Variants in CAST observed in about 807,000 individuals in gnomAD.
CAST encodes the protein MIR583 host.
A neutral mutation model predicts 119.6 loss-of-function variants in CAST; 76 were observed. The observed-to-expected ratio is 0.64, with a 90% CI of 0.53 to 0.77. The LOEUF is 0.77. Among genes scored for constraint, CAST ranks in the 30% least tolerant of loss-of-function variants. The pLI, the probability that CAST is intolerant of heterozygous loss-of-function variation, is 0.00. For synonymous variants in CAST, 319 were observed against 331.6 expected (o/e 0.96, Z 0.41); for missense variants, 953 against 946.5 (o/e 1.01, Z -0.09).
intron 2 of CAST, among the ~76,000 whole-genome samples, chr5:96,692,070 G>A (rs1384154734): frequency 6.6e-6 from 1 of 152,096 alleles, no homozygotes; most frequent in African/African-American, 2.4e-5. Context: ...TGCAACAGAT[G>A]GTGCAATATC....
At chr5:96,101,406 C>T in the CAST span, among the ~76,000 whole-genome samples, 117 of 152,312 alleles carry the variant, frequency 7.7e-4, no homozygotes, top group Non-Finnish European at 1.5e-3. Flanking sequence ...AAGCCTCTCT[C>T]ACTGTAAATA....
chr5:96,736,945 T>G (rs780283066), intron 10 of CAST, among the ~76,000 whole-genome samples: 2 of 152,190 alleles, frequency 1.3e-5, no homozygotes, highest in Non-Finnish European at 2.9e-5. Flanking sequence ...TCAGGAAACT[T>G]ACAATCATGC....
At chr5:96,482,727 G>A in the CAST span, among the ~76,000 whole-genome samples, 1 of 152,166 alleles carries the variant, frequency 6.6e-6, no homozygotes, top group Admixed American at 6.6e-5. Context: ...AGAGAGGAAA[G>A]TTCCTCCTTT....
the CAST span, among the ~76,000 whole-genome samples, chr5:96,491,464 C>T: frequency 1.8e-5 from 2 of 112,812 alleles, no homozygotes; most frequent in Non-Finnish European, 3.4e-5. Flanking sequence ...GCACTCCAGC[C>T]TGGGGGACAG....
At chr5:96,671,576 G>T (rs1035566192) in intron 1 of CAST, among the ~76,000 whole-genome samples, 1 of 152,150 alleles carries the variant, frequency 6.6e-6, no homozygotes, top group Middle Eastern at 3.2e-3. Flanking sequence ...GAACCAAGGC[G>T]ACAGTGGGTA....
At chr5:96,299,924 T>A in the CAST span, among the ~76,000 whole-genome samples, 1 of 152,220 alleles carries the variant, frequency 6.6e-6, no homozygotes, top group African/African-American at 2.4e-5. Context: ...TATTTAACAG[T>A]TTAACAGGTT....
At chr5:96,039,221 T>A in the CAST span, among the ~76,000 whole-genome samples, 8 of 152,304 alleles carry the variant, frequency 5.3e-5, no homozygotes, top group East Asian at 1.3e-3. Context: ...GATGGGGTTG[T>A]TTGCTTTTTT....
At chr5:96,279,722 G>A in the CAST span, among the ~76,000 whole-genome samples, 1 of 152,144 alleles carries the variant, frequency 6.6e-6, no homozygotes, top group African/African-American at 2.4e-5. Flanking sequence ...TATATTTTGA[G>A]TAATAATAAA....
intron 1 of CAST, among the ~76,000 whole-genome samples, chr5:96,535,552 T>C (rs551377730): frequency 1.3e-5 from 2 of 151,040 alleles, no homozygotes; most frequent in South Asian, 2.1e-4. Context: ...TTGAGTTTTA[T>C]GTAAATAAAC....
chr5:96,362,080 G>A, the CAST span, among the ~76,000 whole-genome samples: 76 of 151,990 alleles, frequency 5.0e-4, no homozygotes, highest in African/African-American at 1.3e-3. Flanking sequence ...GAGAACATGC[G>A]GTGTTTGGTT....
the CAST span, among the ~76,000 whole-genome samples, chr5:96,256,955 A>G: frequency 6.6e-6 from 1 of 152,198 alleles, no homozygotes; most frequent in African/African-American, 2.4e-5. Flanking sequence ...CATGCATGAG[A>G]CATGGTGCAG....
At chr5:96,548,016 C>A (rs575711058) in intron 1 of CAST, among the ~76,000 whole-genome samples, 1 of 152,188 alleles carries the variant, frequency 6.6e-6, no homozygotes, top group Non-Finnish European at 1.5e-5. Context: ...TGAGCTAAGA[C>A]TCCGTCTATT....
the CAST span, among the ~76,000 whole-genome samples, chr5:96,074,350 T>G: frequency 6.6e-6 from 1 of 152,142 alleles, no homozygotes; most frequent in Non-Finnish European, 1.5e-5. Context: ...GGTAATTAGG[T>G]TTAGATGAGG....
the CAST span, among the ~76,000 whole-genome samples, chr5:96,238,334 C>CTTCTTCTTT: frequency 2.3e-5 from 1 of 43,820 alleles, no homozygotes; most frequent in Non-Finnish European, 5.4e-5. Context: ...TCTTCTTCTT[C>CTTCTTCTTT]TTCTTCTTCT....
At chr5:96,402,037 C>A in the CAST span, among the ~76,000 whole-genome samples, 2 of 152,172 alleles carry the variant, frequency 1.3e-5, no homozygotes, top group Non-Finnish European at 2.9e-5. Context: ...CCAGTTTTTA[C>A]TCCTCAAGGT....
chr5:96,508,823 T>C, the CAST span, among the ~76,000 whole-genome samples: 740 of 152,252 alleles, frequency 4.9e-3, 9 homozygotes, highest in Non-Finnish European at 4.9e-3. Flanking sequence ...GGCAGAGTAG[T>C]TAAGGGTGCA....
At chr5:96,005,599 G>A in the CAST span, among the ~76,000 whole-genome samples, 1,057 of 152,176 alleles carry the variant, frequency 6.9e-3, 11 homozygotes, top group African/African-American at 0.025. Flanking sequence ...CACCTTTTTA[G>A]TACTATTTGA....
At chr5:96,740,929 T>G (rs1326073879) in intron 13 of CAST, 146 bp downstream of exon 13, 9 of 645,206 alleles carry the variant, frequency 1.4e-5, no homozygotes, top group Non-Finnish European at 2.5e-5. Context: ...GAGAAAGGGG[T>G]TGGTGGGAGG....
At chr5:96,538,502 A>C (rs1745858573) in intron 1 of CAST, among the ~76,000 whole-genome samples, 2 of 152,228 alleles carry the variant, frequency 1.3e-5, no homozygotes, top group African/African-American at 4.8e-5. Flanking sequence ...CTAGCAAAGT[A>C]AATGACCAAT....
Sources: gnomAD v4.1 joint callset for allele counts (sites outside exome capture counted in the v4.1 genomes callset) on GRCh38, gnomAD v4.1.1 for gene constraint, MANE v1.5 for transcripts, NCBI Gene and HGNC (gene_info 2026-07-23, HGNC 2026-07-21) for gene names.